ST6GAL1: variants seen among roughly 807,000 people sequenced by gnomAD.
ST6GAL1 encodes the protein ST6 beta-galactoside alpha-2,6-sialyltransferase 1.
In ST6GAL1, 20 loss-of-function variants were observed where a neutral mutation model predicts 38.0. That is an observed-to-expected ratio of 0.53 (90% CI 0.37 to 0.77). ST6GAL1 has a LOEUF of 0.77. ST6GAL1 is among the 30% of genes least tolerant of loss of function. The probability of loss-of-function intolerance (pLI) is 0.00; values close to 1 mark genes in which losing one functional copy is unlikely to be tolerated. For synonymous variants in ST6GAL1, 196 were observed against 188.2 expected (o/e 1.04, Z -0.34); for missense variants, 432 against 496.4 (o/e 0.87, Z 1.23).
chr3:187,018,952 G>A (rs1293557481), intron 2 of ST6GAL1, among the ~76,000 whole-genome samples: 5 of 152,114 alleles, frequency 3.3e-5, no homozygotes, highest in African/African-American at 1.2e-4. Flanking sequence ...CGTTCACCAC[G>A]GCAAACCTGC....
intron 5 of ST6GAL1, chr3:187,071,831 A>G (rs1335355275): frequency 1.3e-5 from 2 of 150,758 alleles, no homozygotes; most frequent in African/African-American, 4.9e-5. Flanking sequence ...GATTACTCTT[A>G]TTTGCTCAAG....
rs546418626 is a variant in ST6GAL1, at chr3:186,950,279, T to G, written c.-324-13506T>G. Among the ~76,000 whole-genome samples, 10 of 152,308 alleles carry G rather than the reference T, an allele frequency of 6.6e-5. No homozygotes were observed. In the South Asian group the frequency reaches 8.3e-4, roughly 13 times the overall value. On this transcript the variant is annotated intron_variant, in intron 1 of 7. Transcript: ENST00000169298. ...TAACAGTGGAGGCTCCCTGGACAGG[T>G]GAGCCCTCGGGCTTCCCCCTCTCTG...
At chr3:187,065,921 G>A (rs986564369) in intron 5 of ST6GAL1, among the ~76,000 whole-genome samples, 1 of 152,204 alleles carries the variant, frequency 6.6e-6, no homozygotes, top group Non-Finnish European at 1.5e-5. Context: ...CAGGCTCCCA[G>A]AGTTTAAGTT....
chr3:186,931,356 C>G (rs906709667), intron 1 of ST6GAL1: 4 of 152,280 alleles, frequency 2.6e-5, no homozygotes, highest in African/African-American at 9.7e-5. Flanking sequence ...GCTCTAGAGG[C>G]GCCACTTGCT....
At chr3:186,939,405 C>G (rs907333836) in intron 1 of ST6GAL1, among the ~76,000 whole-genome samples, 1 of 152,094 alleles carries the variant, frequency 6.6e-6, no homozygotes, top group Non-Finnish European at 1.5e-5. Flanking sequence ...CTTTACTGCC[C>G]AAGTAAGGAG....
intron 4 of ST6GAL1, among the ~76,000 whole-genome samples, chr3:187,046,999 G>A (rs535595809): frequency 6.6e-6 from 1 of 152,202 alleles, no homozygotes; most frequent in Non-Finnish European, 1.5e-5. Context: ...AGGCTGGAGT[G>A]CAGTGGCATG....
At chr3:187,019,344 A>G (rs757135471) in intron 2 of ST6GAL1, among the ~76,000 whole-genome samples, 1 of 152,218 alleles carries the variant, frequency 6.6e-6, no homozygotes, top group Admixed American at 6.5e-5. Flanking sequence ...GGAAGTCTCT[A>G]TTGAGTAGCT....
At chr3:187,064,638 A>G (rs958133623) in intron 5 of ST6GAL1, 5 of 455,758 alleles carry the variant, frequency 1.1e-5, no homozygotes, top group Non-Finnish European at 2.2e-5. Context: ...CTCTTTTCTC[A>G]CCTCCTGTAA....
chr3:186,993,160 A>G (rs549525008), intron 2 of ST6GAL1, among the ~76,000 whole-genome samples: 83 of 152,284 alleles, frequency 5.5e-4, no homozygotes, highest in African/African-American at 1.8e-3. Context: ...TACTCGATAA[A>G]CACCTGCATG....
intron 2 of ST6GAL1, among the ~76,000 whole-genome samples, chr3:186,984,303 G>T (rs1715790281): frequency 6.6e-6 from 1 of 152,128 alleles, no homozygotes; most frequent in South Asian, 2.1e-4. Context: ...CCCTATTCCT[G>T]TTCCCACATG....
At chr3:187,050,534 A>AAGAGAG (rs147505225) in intron 4 of ST6GAL1, among the ~76,000 whole-genome samples, 53 of 87,870 alleles carry the variant, frequency 6.0e-4, no homozygotes, top group East Asian at 3.4e-3. Context: ...CTTACAAAGA[A>AAGAGAG]AGAGAGAGAG....
chr3:187,047,009 G>GCC (rs1244712979), intron 4 of ST6GAL1, among the ~76,000 whole-genome samples: 21 of 152,258 alleles, frequency 1.4e-4, no homozygotes, highest in East Asian at 7.7e-4. Context: ...GCAGTGGCAT[G>GCC]ATCTCGGCTC....
chr3:186,980,373 G>C (rs1289433286), intron 2 of ST6GAL1, among the ~76,000 whole-genome samples: 2 of 152,084 alleles, frequency 1.3e-5, no homozygotes, highest in African/African-American at 4.8e-5. Context: ...AATGTTAGCT[G>C]TTAGTATTAT....
In ST6GAL1 at chr3:187,020,509, G is replaced by A. The variant is rs115009121; in HGVS notation, c.-182-18233G>A. Among the ~76,000 whole-genome samples the A allele has an allele frequency of 5.6e-3, 851 of 152,242 alleles. 9 individuals carry two copies. The highest frequency in any genetic ancestry group is 0.019 in the African/African-American group (805 of 41,552). ...ACAGTTGATTCTTAAGGCAGCATCC[G>A]GTGATGCCTTTGAAACATACATCGG... is the stretch of plus-strand genomic sequence containing the variant. On this transcript the variant is annotated intron_variant, in intron 2 of 7. Transcript: ENST00000169298.
At chr3:186,943,870 C>A (rs1714266832) in intron 1 of ST6GAL1, among the ~76,000 whole-genome samples, 1 of 152,234 alleles carries the variant, frequency 6.6e-6, no homozygotes, top group Admixed American at 6.5e-5. Flanking sequence ...GCCTCCAGAG[C>A]CCATGTCTCA....
intron 2 of ST6GAL1, among the ~76,000 whole-genome samples, chr3:186,976,554 C>T (rs1579287335): frequency 6.6e-6 from 1 of 152,280 alleles, no homozygotes; most frequent in South Asian, 2.1e-4. Context: ...TTCAGCCTCC[C>T]AAGTAGCTGG....
intron 2 of ST6GAL1, chr3:186,964,234 T>G (rs1715021398): frequency 6.6e-6 from 1 of 152,234 alleles, no homozygotes; most frequent in African/African-American, 2.4e-5. Context: ...AGGTGAATGC[T>G]TAAGTATACC....
chr3:187,056,663 A>C (rs1490323346), intron 5 of ST6GAL1, among the ~76,000 whole-genome samples: 1 of 152,208 alleles, frequency 6.6e-6, no homozygotes, highest in Non-Finnish European at 1.5e-5. Context: ...GTTTCTGCTG[A>C]GAGATCTGCT....
chr3:186,973,900 T>C (rs563506693), intron 2 of ST6GAL1, among the ~76,000 whole-genome samples: 4 of 152,338 alleles, frequency 2.6e-5, no homozygotes, highest in South Asian at 4.1e-4. Context: ...TGCTGGGCAC[T>C]GTGAACACAT....
Sources: gnomAD v4.1 joint callset for allele counts (sites outside exome capture counted in the v4.1 genomes callset) on GRCh38, gnomAD v4.1.1 for gene constraint, MANE v1.5 for transcripts, NCBI Gene and HGNC (gene_info 2026-07-23, HGNC 2026-07-21) for gene names.